Variants in MYO1H observed in about 807,000 individuals in gnomAD.
MYO1H encodes the protein unconventional myosin-Ih.
A neutral mutation model predicts 149.3 loss-of-function variants in MYO1H; 118 were observed. The ratio of observed to expected loss-of-function variants is 0.79; its 90% CI spans 0.68 to 0.92. The LOEUF is 0.92. MYO1H is among the 40% of genes least tolerant of loss of function. The probability of loss-of-function intolerance (pLI) is 0.00; values close to 1 mark genes in which losing one functional copy is unlikely to be tolerated. For synonymous variants in MYO1H, 447 were observed against 465.2 expected, an observed-to-expected ratio of 0.96 and a Z score of 0.50; for missense variants, 1,212 against 1,280.7, an observed-to-expected ratio of 0.95 and a Z score of 0.82.
At chr12:109,391,293 C>T (rs1342796362) in intron 2 of MYO1H, among the ~76,000 whole-genome samples, 1 of 152,140 alleles carries the variant, frequency 6.6e-6, no homozygotes, top group Non-Finnish European at 1.5e-5. Flanking sequence ...CATGTGTCCT[C>T]ATCATTTAGT....
At chr12:109,360,615 A>G (rs1373796480) in intron 1 of MYO1H, among the ~76,000 whole-genome samples, 1 of 152,230 alleles carries the variant, frequency 6.6e-6, no homozygotes, top group South Asian at 2.1e-4. Flanking sequence ...TGTTTGTTCC[A>G]TGGAAAATAT....
At chr12:109,447,270 A>G (rs1872525088) in exon 32 of MYO1H, 1 of 1,198,516 alleles carries the variant, frequency 8.3e-7, no homozygotes, top group African/African-American at 1.5e-5. Flanking sequence ...CCAGTTAGCT[A>G]CCTCTTCAAG....
At chr12:109,321,565 A>G in the MYO1H span, among the ~76,000 whole-genome samples, 4 of 152,174 alleles carry the variant, frequency 2.6e-5, no homozygotes, top group Non-Finnish European at 4.4e-5. Flanking sequence ...AAAAAAGGAA[A>G]CACTGCAAAT....
chr12:109,424,566 G>T (rs1871288907), intron 16 of MYO1H, among the ~76,000 whole-genome samples, 182 bp from the exon 17 acceptor site: 1 of 152,224 alleles, frequency 6.6e-6, no homozygotes, highest in Non-Finnish European at 1.5e-5. Flanking sequence ...AGTGGATGTA[G>T]AATGTGAACA....
exon 32 of MYO1H, chr12:109,447,302 C>CAGAT (rs1872526400): frequency 1.1e-6 from 1 of 878,546 alleles, no homozygotes; most frequent in African/African-American, 1.7e-5. Context: ...GCAGCACTAA[C>CAGAT]AGATCACATC....
At position 109,410,746 on chromosome 12, in the gene MYO1H, A is replaced by C. The variant is rs1050996455; in HGVS notation, c.1388A>C (p.His463Pro). ...ATCTGTGATTTGGTAGAAGAGAGACATAAAGGAATCATATCTATTCTGGTG... is the reference window on the plus strand; with the variant it reads ...ATCTGTGATTTGGTAGAAGAGAGACCTAAAGGAATCATATCTATTCTGGTG... The change falls in exon 13 of 32, where the codon CAT becomes CCT. Residue 463 changes from histidine (H) to proline (P), a missense_variant. By Grantham distance (77) the His-to-Pro change is moderately conservative. Transcript: ENST00000310903. 1 of 1,596,328 alleles carries C rather than the reference A, an allele frequency of 6.3e-7. No homozygotes were observed. The highest frequency in any genetic ancestry group is 1.3e-5 in the African/African-American group (1 of 74,758).
intron 5 of MYO1H, 80 bp from the exon 6 acceptor site, chr12:109,401,013 G>A: frequency 8.0e-7 from 1 of 1,255,508 alleles, no homozygotes; most frequent in South Asian, 1.4e-5. Context: ...TTCAAACTTA[G>A]AACTTCGGGC....
the MYO1H span, among the ~76,000 whole-genome samples, chr12:109,328,517 T>G: frequency 1.3e-5 from 2 of 152,124 alleles, no homozygotes; most frequent in African/African-American, 4.8e-5. Context: ...TTTAAACTGA[T>G]GAGACAACTG....
In MYO1H at chr12:109,409,786, A is replaced by G. The variant is rs185560862; in HGVS notation, c.1223+162A>G. Among the ~76,000 whole-genome samples the G allele has an allele frequency of 1.5e-3, 235 of 152,342 alleles. 1 individual carries two copies. The highest frequency in any genetic ancestry group is 5.5e-3 in the African/African-American group (227 of 41,586). On this transcript the variant is annotated intron_variant, in intron 11 of 31. Transcript: ENST00000310903. ...CACAGACCATCCTAGATGTGGACTA[A>G]CCATAAAAATGCAAATATATTTTCA...
the MYO1H span, among the ~76,000 whole-genome samples, chr12:109,314,047 G>A: frequency 9.2e-5 from 14 of 151,902 alleles, no homozygotes; most frequent in Non-Finnish European, 5.9e-5. Context: ...ACCATGCCTG[G>A]CTAATTTTTG....
the MYO1H span, among the ~76,000 whole-genome samples, chr12:109,322,232 G>A: frequency 6.6e-6 from 1 of 151,890 alleles, no homozygotes; most frequent in African/African-American, 2.4e-5. Flanking sequence ...ATTAATCTTT[G>A]CCTGGAGCTG....
At chr12:109,444,144 A>G (rs1291499669) in intron 28 of MYO1H, 69 bp from the exon 29 acceptor site, 19 of 1,192,332 alleles carry the variant, frequency 1.6e-5, no homozygotes, top group Non-Finnish European at 1.8e-5. Flanking sequence ...CCCTGGGCGT[A>G]TCTCTTCTTC....
chr12:109,431,350 A>C (rs964921327), intron 19 of MYO1H, among the ~76,000 whole-genome samples: 15 of 152,198 alleles, frequency 9.9e-5, no homozygotes, highest in African/African-American at 3.6e-4. Context: ...ACTGCACTCC[A>C]GCCTGGGTGA....
chr12:109,349,974 AGTT>A (rs1197420372), intron 1 of MYO1H, among the ~76,000 whole-genome samples: 1,772 of 148,534 alleles, frequency 0.012, 44 homozygotes, highest in African/African-American at 0.041. Flanking sequence ...AAAAAAAAAA[AGTT>A]AATATTATTA....
At chr12:109,411,948 T>C (rs757673306) in exon 14 of MYO1H, 40 of 1,605,696 alleles carry the variant, frequency 2.5e-5, no homozygotes, top group Middle Eastern at 1.6e-4. Flanking sequence ...CCTGGAGAAA[T>C]TGGAAGAGAA....
the MYO1H span, among the ~76,000 whole-genome samples, chr12:109,337,471 C>T: frequency 7.3e-3 from 1,106 of 152,284 alleles, 10 homozygotes; most frequent in African/African-American, 0.025. Flanking sequence ...CACAGTTCCA[C>T]ATGGCTGGGG....
At chr12:109,414,476 CAAA>C (rs1158287635) in intron 14 of MYO1H, among the ~76,000 whole-genome samples, 2 of 57,390 alleles carry the variant, frequency 3.5e-5, no homozygotes, top group Non-Finnish European at 3.6e-5. Flanking sequence ...GACTCCATCT[CAAA>C]AAAAAAAAAA....
the MYO1H span, among the ~76,000 whole-genome samples, chr12:109,318,991 T>C: frequency 4.1e-5 from 6 of 147,264 alleles, no homozygotes; most frequent in Non-Finnish European, 8.9e-5. Flanking sequence ...TTTTTTTTTT[T>C]TTTGCAACTT....
the MYO1H span, among the ~76,000 whole-genome samples, chr12:109,335,578 CA>C: frequency 1.4e-3 from 203 of 148,654 alleles, 3 homozygotes; most frequent in East Asian, 0.013. Flanking sequence ...AACAAACAAA[CA>C]AAAAAAAAAC....
Sources: allele counts gnomAD v4.1 joint callset (sites outside exome capture counted in the v4.1 genomes callset), GRCh38; gene constraint gnomAD v4.1.1; transcripts MANE v1.5; gene names NCBI Gene and HGNC (gene_info 2026-07-23, HGNC 2026-07-21).